ARHGAP24: variants seen among roughly 807,000 people sequenced by gnomAD.
ARHGAP24 encodes the protein Rho GTPase activating protein 24.
Under a neutral mutation model 76.4 loss-of-function variants are expected in ARHGAP24, and 50 were observed. The observed-to-expected ratio is 0.65, with a 90% confidence interval of 0.52 to 0.83. The LOEUF (loss-of-function observed/expected upper bound fraction) is 0.83. ARHGAP24 is among the 40% of genes least tolerant of loss of function. The probability of loss-of-function intolerance (pLI) is 0.00; values close to 1 mark genes in which losing one functional copy is unlikely to be tolerated. For missense variants in ARHGAP24, 930 were observed against 914.2 expected (o/e 1.02, Z -0.22); for synonymous variants, 345 against 323.3 (o/e 1.07, Z -0.72).
intron 3 of ARHGAP24, among the ~76,000 whole-genome samples, chr4:85,764,965 AT>A (rs1393190325): frequency 2.0e-5 from 3 of 152,080 alleles, no homozygotes; most frequent in Non-Finnish European, 4.4e-5. Context: ...AGATCTAGAG[AT>A]TTTTACCTTA....
intron 3 of ARHGAP24, among the ~76,000 whole-genome samples, chr4:85,771,219 G>T (rs960486195): frequency 2.6e-5 from 4 of 152,190 alleles, no homozygotes; most frequent in Admixed American, 2.0e-4. Context: ...TGGTGGCTAA[G>T]AAGTTCCATG....
intron 5 of ARHGAP24, among the ~76,000 whole-genome samples, chr4:85,952,589 G>A (rs1318367169): frequency 6.6e-6 from 1 of 152,186 alleles, no homozygotes; most frequent in Admixed American, 6.5e-5. Flanking sequence ...AGTTGTGAGT[G>A]CATGGATGAG....
intron 1 of ARHGAP24, among the ~76,000 whole-genome samples, chr4:85,545,876 T>C (rs916037248): frequency 3.9e-5 from 6 of 152,164 alleles, no homozygotes; most frequent in Admixed American, 1.3e-4. Context: ...CTACTTTTTG[T>C]CATGGAATTT....
At chr4:85,690,262 G>GA (rs1052902200) in intron 2 of ARHGAP24, among the ~76,000 whole-genome samples, 60 of 151,256 alleles carry the variant, frequency 4.0e-4, no homozygotes, top group African/African-American at 2.9e-4. Flanking sequence ...AGAAATAAAA[G>GA]AAAAAAAAAT....
intron 3 of ARHGAP24, among the ~76,000 whole-genome samples, chr4:85,893,954 TG>T (rs1419143439): frequency 3.8e-5 from 2 of 53,162 alleles, no homozygotes; most frequent in African/African-American, 8.1e-5. Context: ...TGTGGTGGGG[TG>T]GGGGGAGGGG....
chr4:85,627,426 C>A (rs189798585), intron 2 of ARHGAP24, among the ~76,000 whole-genome samples: 7 of 152,220 alleles, frequency 4.6e-5, no homozygotes, highest in African/African-American at 1.7e-4. Context: ...CTGATCATTC[C>A]TCTGGAAGTT....
chr4:85,594,495 A>T (rs191559091), intron 2 of ARHGAP24, among the ~76,000 whole-genome samples: 16 of 152,148 alleles, frequency 1.1e-4, no homozygotes, highest in Non-Finnish European at 1.5e-5. Context: ...GAAATCCTTC[A>T]CAACATAGCA....
intron 8 of ARHGAP24, among the ~76,000 whole-genome samples, chr4:85,979,318 G>A (rs749040239): frequency 9.9e-5 from 15 of 152,060 alleles, no homozygotes; most frequent in Non-Finnish European, 1.8e-4. Flanking sequence ...ACTCGTTATT[G>A]TGGTAAAACA....
Position 86,001,985 on chromosome 4 carries a change from T to G in ARHGAP24, c.*1263T>G, listed in dbSNP as rs1741048952. On this transcript the variant is annotated 3_prime_UTR_variant, in exon 10 of 10. Coordinates refer to ENST00000395184, the MANE Select transcript of ARHGAP24 (RefSeq NM_001025616.3). ...TGCCTAAAGTTCCAATTTTAGCAAATATGGGAACCTCAGCAATGCTAATTT... is the reference window on the plus strand; with the variant it reads ...TGCCTAAAGTTCCAATTTTAGCAAAGATGGGAACCTCAGCAATGCTAATTT... 1 of 152,210 alleles carries G rather than the reference T, an allele frequency of 6.6e-6. No individual in the cohort carries two copies. Among genetic ancestry groups the G allele is most frequent in the Non-Finnish European group, 1.5e-5 (1 of 68,042 alleles). 9.4% of individuals were successfully genotyped at this position (152,210 alleles called of 1,614,324 possible).
At chr4:85,877,625 AATT>A (rs1733015916) in intron 3 of ARHGAP24, among the ~76,000 whole-genome samples, 1 of 43,200 alleles carries the variant, frequency 2.3e-5, no homozygotes, top group South Asian at 1.7e-3. Context: ...ACATTATCTT[AATT>A]AAAAAAAAAA....
chr4:85,854,677 C>T (rs1030103692), intron 3 of ARHGAP24, among the ~76,000 whole-genome samples: 1 of 152,104 alleles, frequency 6.6e-6, no homozygotes, highest in African/African-American at 2.4e-5. Context: ...TTCTTACATC[C>T]GGCTATGTCT....
intron 2 of ARHGAP24, among the ~76,000 whole-genome samples, chr4:85,711,728 T>C (rs1578162385): frequency 6.6e-6 from 1 of 152,222 alleles, no homozygotes; most frequent in South Asian, 2.1e-4. Flanking sequence ...TTCAGCGTTA[T>C]CAGGTTATTT....
chr4:85,536,204 A>G (rs531306700), intron 1 of ARHGAP24, among the ~76,000 whole-genome samples: 5 of 152,148 alleles, frequency 3.3e-5, no homozygotes, highest in Non-Finnish European at 7.4e-5. Flanking sequence ...ACTAGACACT[A>G]ATAAAGAACC....
intron 3 of ARHGAP24, among the ~76,000 whole-genome samples, chr4:85,724,168 T>C (rs1380928579): frequency 6.6e-6 from 1 of 152,200 alleles, no homozygotes; most frequent in East Asian, 1.9e-4. Context: ...ATATTTATTC[T>C]AGATTGGCTT....
At chr4:85,791,290 A>C (rs1024880987) in intron 3 of ARHGAP24, among the ~76,000 whole-genome samples, 2 of 152,216 alleles carry the variant, frequency 1.3e-5, no homozygotes, top group Non-Finnish European at 2.9e-5. Flanking sequence ...AGTGTTATAA[A>C]TTCTGATACT....
intron 2 of ARHGAP24, among the ~76,000 whole-genome samples, chr4:85,596,667 A>T (rs1719846229): frequency 6.6e-6 from 1 of 152,100 alleles, no homozygotes; most frequent in African/African-American, 2.4e-5. Flanking sequence ...AATCCAAGGG[A>T]CTGAAATCCT....
intron 3 of ARHGAP24, among the ~76,000 whole-genome samples, chr4:85,824,005 TC>T (rs1729595194): frequency 6.6e-6 from 1 of 152,074 alleles, no homozygotes; most frequent in Admixed American, 6.6e-5. Context: ...ATCTTTCCCA[TC>T]TAGAAAAATA....
chr4:85,486,748 C>T (rs575431365), intron 1 of ARHGAP24, among the ~76,000 whole-genome samples: 12 of 152,184 alleles, frequency 7.9e-5, no homozygotes, highest in African/African-American at 2.6e-4. Flanking sequence ...AAATGGCTTG[C>T]GGAAGTTTCC....
intron 3 of ARHGAP24, among the ~76,000 whole-genome samples, chr4:85,845,888 T>A (rs146798312): frequency 2.6e-5 from 4 of 152,102 alleles, no homozygotes; most frequent in African/African-American, 9.7e-5. Flanking sequence ...TTTAAGAATA[T>A]AATTTTTTTT....
Sources: allele counts gnomAD v4.1 joint callset (sites outside exome capture counted in the v4.1 genomes callset), GRCh38; gene constraint gnomAD v4.1.1; transcripts MANE v1.5; gene names NCBI Gene and HGNC (gene_info 2026-07-23, HGNC 2026-07-21).